SERPINB4: variants seen among roughly 807,000 people sequenced by gnomAD.
The protein encoded by SERPINB4 is serpin B4.
A neutral mutation model predicts 33.2 loss-of-function variants in SERPINB4; 39 were observed. The observed-to-expected ratio is 1.18, with a 90% confidence interval of 0.91 to 1.53. The LOEUF is 1.53. SERPINB4 is among the 40% of genes most tolerant of loss of function. SERPINB4 has a pLI of 0.00. For synonymous variants in SERPINB4, 191 were observed against 166.4 expected (o/e 1.15, Z -1.14); for missense variants, 564 against 455.4 (o/e 1.24, Z -2.17).
chr18:63,642,934 C>T (rs576422355), intron 3 of SERPINB4: 15 of 565,386 alleles, frequency 2.7e-5, no homozygotes, highest in South Asian at 1.3e-4. Flanking sequence ...CCAGCCTATC[C>T]TGATCCAGAC....
rs1284599903 is a variant in SERPINB4 at position 63,640,942 on chromosome 18, G to A, written c.401C>T (p.Thr134Ile). 1.3e-5 allele frequency: 21 copies of A among 1,612,720 alleles called. No homozygotes were observed. The highest frequency in any genetic ancestry group is 6.7e-5 in the East Asian group (3 of 44,874). ...TTCTTCTGGAGCATTTGCAAAATCA[G>A]TAGATTCCACACTGGTCTGGTAAAA... ...KKFYQTSVES[T>I]DFANAPEESR... The change falls in exon 5 of 8, where the codon ACT (threonine) becomes ATT (isoleucine). Residue 134 changes from threonine (T) to isoleucine (I), a missense_variant. Transcript: ENST00000341074.
At position 63,639,308 on chromosome 18, in the gene SERPINB4, T is replaced by C. The variant is rs370630340; in HGVS notation, c.645A>G (p.Gln215=). Residue 215 remains glutamine, a synonymous_variant, in exon 7 of 8, where the codon CAA becomes CAG. Transcript: ENST00000341074. ...NTYKSVQMMR[Q]YNSFNFALLE... is the part of the protein sequence containing the mutation. ...GCAAGGCAAAATTAAAGGAATTGTA[T>C]TGCCTCATCATCTGTACAGATTTGT... is the stretch of plus-strand genomic sequence containing the variant. 1.3e-4 allele frequency: 215 copies of C among 1,612,314 alleles called. No homozygotes were observed. Among genetic ancestry groups the C allele is most frequent in the Admixed American group, 2.8e-4 (17 of 59,838 alleles).
chr18:63,640,807 G>A (rs1326758025), intron 5 of SERPINB4, 67 bp downstream of exon 5: 1 of 1,348,200 alleles, frequency 7.4e-7, no homozygotes, highest in Non-Finnish European at 1.1e-6. Flanking sequence ...CCCCCATGCA[G>A]TGTCAAGCAC....
chr18:63,639,778 T>C lies in SERPINB4; in HGVS notation c.470-2A>G, dbSNP rs1913065896. On this transcript the variant is annotated splice_acceptor_variant, in intron 5 of 7. Transcript: ENST00000341074. LOFTEE classifies it high-confidence loss of function. ...CAGGAAATAGGTTTTTAATTTTTTC[T>C]GCAAGGGAAAGAATAAAAGAGTCTT... 1 of 1,606,768 alleles carries C rather than the reference T, an allele frequency of 6.2e-7. No individual in the cohort carries two copies.
rs1204463297 is a variant in SERPINB4 at position 63,637,436 on chromosome 18, A to G, written c.*283T>C. 6.9e-6 allele frequency: 2 copies of G among 289,894 alleles called. No individual in the cohort carries two copies. The highest frequency in any genetic ancestry group is 1.3e-5 in the Non-Finnish European group (2 of 157,186). The allele number at this position is 289,894 out of a possible 1,614,324, so 18.0% of individuals were successfully genotyped here. On this transcript the variant is annotated 3_prime_UTR_variant, in exon 8 of 8. Coordinates refer to ENST00000341074, the MANE Select transcript of SERPINB4 (RefSeq NM_002974.4). ...TAAAACAGGTCAGAAACAGAATTATATTTCAAATTTAGAAGACACGGTATT... is the reference window on the plus strand; with the variant it reads ...TAAAACAGGTCAGAAACAGAATTATGTTTCAAATTTAGAAGACACGGTATT...
intron 3 of SERPINB4, 81 bp from the exon 4 acceptor site, chr18:63,641,969 C>T (rs1913149066): frequency 1.3e-6 from 2 of 1,586,304 alleles, no homozygotes; most frequent in Non-Finnish European, 1.7e-6. Flanking sequence ...TTAGATCAGT[C>T]CCTAAATGCT....
rs568875375 is a variant in SERPINB4, at chr18:63,637,333, G to A, written c.*386C>T. 4.9e-5 allele frequency: 8 copies of A among 162,648 alleles called. No homozygotes were observed. The highest frequency in any genetic ancestry group is 9.3e-5 in the Non-Finnish European group (7 of 75,482). 10.1% of individuals were successfully genotyped at this position (162,648 alleles called of 1,614,324 possible). On this transcript the variant is annotated 3_prime_UTR_variant, in exon 8 of 8. Transcript: ENST00000341074. ...ATTTAGAAACATAAGAAGGATTTAG[G>A]TATCACCTAAATTCAAAGAAATGTG...
rs772324861 is a variant in SERPINB4 at position 63,640,854 on chromosome 18, A to G, written c.469+20T>C. On this transcript the variant is annotated intron_variant, in intron 5 of 7. Coordinates refer to ENST00000341074, the MANE Select transcript of SERPINB4 (RefSeq NM_002974.4). ...GCATAGGTTTCTCAAAGGTGTTTCT[A>G]TAATGGGTGGCTCTCCTACCATTCG... The G allele has an allele frequency of 1.3e-5, 20 of 1,595,118 alleles. No homozygotes were observed. The East Asian group carries it at 4.5e-4, about 36-fold the overall frequency.
Position 63,637,715 on chromosome 18 carries a change from G to C in SERPINB4, c.*4C>G, listed in dbSNP as rs761096806. On this transcript the variant is annotated 3_prime_UTR_variant, in exon 8 of 8. Transcript: ENST00000341074. ...TTCTAAATGGAGTGACAGACTAATT[G>C]CATCTATGGGGATGAGAATCTGCCA... 1.3e-6 allele frequency: 2 copies of C among 1,591,184 alleles called. No individual in the cohort carries two copies. The highest frequency in any genetic ancestry group is 1.7e-5 in the Admixed American group (1 of 57,736).
rs531580737 is a variant in SERPINB4, at chr18:63,638,360, G to A, written c.769-237C>T. ...TGTAAAAACAGAATCATGTTTTTAC[G>A]TATATGTATATGTGTACATATGTAT... On this transcript the variant is annotated intron_variant, in intron 7 of 7. Coordinates refer to ENST00000341074, the MANE Select transcript of SERPINB4 (RefSeq NM_002974.4). Among the ~76,000 whole-genome samples the A allele has an allele frequency of 7.2e-4, 110 of 151,758 alleles. 1 individual carries two copies. The highest frequency in any genetic ancestry group is 2.0e-3 in the African/African-American group (81 of 41,300).
chr18:63,640,079 G>T (rs2144467972), intron 5 of SERPINB4, among the ~76,000 whole-genome samples: 1 of 152,106 alleles, frequency 6.6e-6, no homozygotes, highest in Admixed American at 6.6e-5. Flanking sequence ...CTGATAAACT[G>T]ATTTTGTCTA....
At position 63,638,093 on chromosome 18, in the gene SERPINB4, T is replaced by C; in HGVS notation, c.799A>G (p.Met267Val). ...ATATTCTGCAAACTTGTCCATTCCA[T>C]CAATTTCTCAGCAGTGAGTTTCTCT... Reference protein sequence around the residue: ...LEEKLTAEKLMEWTSLQNMRE... With the variant: ...LEEKLTAEKLVEWTSLQNMRE... The change falls in exon 8 of 8, where the codon ATG becomes GTG. Residue 267 changes from methionine to valine, a missense_variant. By Grantham distance (21) the Met-to-Val change is conservative (BLOSUM62 1). Transcript: ENST00000341074. 1 of 1,613,246 alleles carries C rather than the reference T, an allele frequency of 6.2e-7. No individual in the cohort carries two copies.
chr18:63,639,983 C>T (rs189778140), intron 5 of SERPINB4, among the ~76,000 whole-genome samples: 42 of 152,142 alleles, frequency 2.8e-4, no homozygotes. Flanking sequence ...TATAAAGTTA[C>T]CCTTGATGGA....
chr18:63,641,988 C>T (rs1913150427), intron 3 of SERPINB4, 100 bp from the exon 4 acceptor site: 2 of 1,523,696 alleles, frequency 1.3e-6, no homozygotes, highest in Middle Eastern at 2.0e-4. Flanking sequence ...CTGGTAGTCT[C>T]ATTGAGGACC....
chr18:63,643,372 G>A (rs1913202530), intron 2 of SERPINB4, 41 bp downstream of exon 2: 7 of 1,612,582 alleles, frequency 4.3e-6, no homozygotes, highest in South Asian at 1.1e-5. Flanking sequence ...CGGAACCAGA[G>A]AAAAACTGCA....
chr18:63,637,605 C>G lies in SERPINB4; in HGVS notation c.*114G>C. Reference sequence around the variant, plus strand: ...AATTCTTGATGATGACTATCATCATCAAGATGAGATAGAAAAGAAATATGA... The same window carrying G: ...AATTCTTGATGATGACTATCATCATGAAGATGAGATAGAAAAGAAATATGA... On this transcript the variant is annotated 3_prime_UTR_variant, in exon 8 of 8. Transcript: ENST00000341074. The G allele has an allele frequency of 9.2e-7, 1 of 1,090,892 alleles. No homozygotes were observed. Among genetic ancestry groups the G allele is most frequent in the Non-Finnish European group, 1.3e-6 (1 of 761,514 alleles). 67.6% of individuals were successfully genotyped at this position (1,090,892 alleles called of 1,614,324 possible).
chr18:63,638,877 G>C (rs1223250647), intron 7 of SERPINB4, among the ~76,000 whole-genome samples: 1 of 150,594 alleles, frequency 6.6e-6, no homozygotes, highest in Non-Finnish European at 1.5e-5. Context: ...CGAGTTAATG[G>C]GTGCAGCACA....
Position 63,638,368 on chromosome 18 carries a change from A to G in SERPINB4, c.769-245T>C, listed in dbSNP as rs76772808. Among the ~76,000 whole-genome samples, 630 of 152,146 alleles carry G rather than the reference A, an allele frequency of 4.1e-3. 4 individuals carry two copies. Among genetic ancestry groups the G allele is most frequent in the South Asian group, 0.014 (66 of 4,824 alleles). ...CAGAATCATGTTTTTACGTATATGT[A>G]TATGTGTACATATGTATGTATACAA... On this transcript the variant is annotated intron_variant, in intron 7 of 7. Transcript: ENST00000341074.
rs902181455 is a variant in SERPINB4, at chr18:63,638,078, A to C, written c.814T>G (p.Leu272Val). 8.1e-6 allele frequency: 13 copies of C among 1,613,298 alleles called. No individual in the cohort carries two copies. The highest frequency in any genetic ancestry group is 1.1e-5 in the Non-Finnish European group (13 of 1,179,660). ...TAEKLMEWTS[L>V]QNMRETCVDL... Reference sequence around the variant, plus strand: ...ACACATGTCTCTCTCATATTCTGCAAACTTGTCCATTCCATCAATTTCTCA... The same window carrying C: ...ACACATGTCTCTCTCATATTCTGCACACTTGTCCATTCCATCAATTTCTCA... The change falls in exon 8 of 8, where the codon TTG (leucine) becomes GTG (valine). Residue 272 changes from leucine to valine, a missense_variant. Physicochemically the swap from Leu to Val is conservative, Grantham distance 32. Transcript: ENST00000341074.
Sources: gnomAD v4.1 joint callset for allele counts (sites outside exome capture counted in the v4.1 genomes callset) on GRCh38, gnomAD v4.1.1 for gene constraint, MANE v1.5 for transcripts, NCBI Gene and HGNC (gene_info 2026-07-23, HGNC 2026-07-21) for gene names.